The following PALS1 variants were observed in gnomAD, a reference collection of about 807,000 sequenced individuals.
PALS1 encodes protein associated with LIN7 1, MAGUK p55 family member.
Under a neutral mutation model 78.9 loss-of-function variants are expected in PALS1, and 31 were observed. The observed-to-expected ratio is 0.39, with a 90% CI of 0.30 to 0.53. The LOEUF (loss-of-function observed/expected upper bound fraction) is 0.53. Ranked by LOEUF, PALS1 falls within the 20% of genes least tolerant of loss-of-function variation. The pLI is 0.67. For missense variants in PALS1, 704 were observed against 826.5 expected, an observed-to-expected ratio of 0.85 and a Z score of 1.82; for synonymous variants, 276 against 270.9, an observed-to-expected ratio of 1.02 and a Z score of -0.18.
At chr14:67,258,333 G>A (rs1375638502) in intron 1 of PALS1, among the ~76,000 whole-genome samples, 1 of 152,070 alleles carries the variant, frequency 6.6e-6, no homozygotes, top group Non-Finnish European at 1.5e-5. Flanking sequence ...TCAGGAGTTC[G>A]AGACTAGTCT....
intron 2 of PALS1, among the ~76,000 whole-genome samples, chr14:67,278,452 T>C (rs1487079528): frequency 6.6e-6 from 1 of 152,172 alleles, no homozygotes; most frequent in Non-Finnish European, 1.5e-5. Flanking sequence ...AAGTTTCTTA[T>C]TCGTTGGGCA....
intron 9 of PALS1, among the ~76,000 whole-genome samples, chr14:67,315,817 C>T (rs1243038226): frequency 6.6e-6 from 1 of 152,132 alleles, no homozygotes; most frequent in Non-Finnish European, 1.5e-5. Flanking sequence ...CCCAGCTGCT[C>T]GGGAGGCTGA....
At chr14:67,313,828 CTG>C (rs2085129924) in intron 9 of PALS1, among the ~76,000 whole-genome samples, 1 of 151,922 alleles carries the variant, frequency 6.6e-6, no homozygotes, top group African/African-American at 2.4e-5. Flanking sequence ...GATATTGTCT[CTG>C]TTATAATTCT....
chr14:67,321,087 T>C lies in PALS1; in HGVS notation c.1568T>C (p.Val523Ala), dbSNP rs759155065. 60 of 1,614,116 alleles carry C rather than the reference T, an allele frequency of 3.7e-5. No individual in the cohort carries two copies. Among genetic ancestry groups the C allele is most frequent in the Non-Finnish European group, 5.0e-5 (59 of 1,179,978 alleles). Reference protein sequence around the residue: ...HTTRSRRDQEVAGRDYHFVSR... With the variant: ...HTTRSRRDQEAAGRDYHFVSR... ...ACCCGGAGTAGGCGAGACCAAGAAG[T>C]AGCCGGTAGAGATTACCACTTTGTT... is the stretch of plus-strand genomic sequence containing the variant. The change falls in exon 13 of 15, where the codon GTA (valine) becomes GCA (alanine). Residue 523 changes from valine to alanine, a missense_variant. Physicochemically the swap from Val to Ala is moderately conservative, Grantham distance 64 (BLOSUM62 0). Transcript: ENST00000261681.
intron 14 of PALS1, among the ~76,000 whole-genome samples, chr14:67,329,172 C>G (rs952127995): frequency 2.0e-5 from 3 of 152,158 alleles, no homozygotes; most frequent in African/African-American, 7.2e-5. Context: ...GTTTGTAGTT[C>G]TCCTTGAAGA....
chr14:67,248,192 A>C (rs1043087231), intron 1 of PALS1, among the ~76,000 whole-genome samples: 12 of 152,170 alleles, frequency 7.9e-5, no homozygotes, highest in Middle Eastern at 3.2e-3. Context: ...AACAAAAATC[A>C]TTTTGGATTT....
intron 3 of PALS1, among the ~76,000 whole-genome samples, chr14:67,287,113 G>A (rs1277882859): frequency 6.6e-6 from 1 of 152,054 alleles, no homozygotes; most frequent in East Asian, 1.9e-4. Context: ...AGCTACTGGG[G>A]AGGCTGAGGT....
intron 11 of PALS1, among the ~76,000 whole-genome samples, chr14:67,319,971 C>T (rs1485472181): frequency 6.6e-6 from 1 of 152,118 alleles, no homozygotes; most frequent in East Asian, 1.9e-4. Flanking sequence ...TGCAAATTAG[C>T]TGTTTAATGT....
At chr14:67,275,003 CA>C (rs1238359127) in intron 2 of PALS1, among the ~76,000 whole-genome samples, 4 of 152,202 alleles carry the variant, frequency 2.6e-5, no homozygotes, top group African/African-American at 9.7e-5. Context: ...AGTTGCTTAT[CA>C]GCTTGAGATT....
intron 14 of PALS1, among the ~76,000 whole-genome samples, chr14:67,332,137 TTGAGG>T: frequency 6.6e-6 from 1 of 152,186 alleles, no homozygotes. Context: ...CAGGGGTGAT[TTGAGG>T]TGAGTTTCAC....
chr14:67,255,164 T>A (rs2084127087), intron 1 of PALS1, among the ~76,000 whole-genome samples: 1 of 151,440 alleles, frequency 6.6e-6, no homozygotes, highest in South Asian at 2.1e-4. Context: ...AAAAAAAAAG[T>A]TCGAATCTCT....
In PALS1 at chr14:67,256,135, T is replaced by C. The variant is rs1231923292; in HGVS notation, c.-236-13566T>C. Reference sequence around the variant, plus strand: ...TATTTTGTAAGATATCCAAATAGTATAGAAGTGGAAAGTAGGGAATATTTG... The same window carrying C: ...TATTTTGTAAGATATCCAAATAGTACAGAAGTGGAAAGTAGGGAATATTTG... On this transcript the variant is annotated intron_variant, in intron 1 of 14. Transcript: ENST00000261681. Among the ~76,000 whole-genome samples, 3 of 152,234 alleles carry C rather than the reference T, an allele frequency of 2.0e-5. No individual in the cohort carries two copies. The East Asian group carries it at 5.8e-4, about 29-fold the overall frequency.
intron 1 of PALS1, among the ~76,000 whole-genome samples, chr14:67,252,858 A>G (rs989824904): frequency 1.2e-4 from 18 of 152,244 alleles, no homozygotes; most frequent in African/African-American, 4.3e-4. Flanking sequence ...ATAAACAGAT[A>G]ATTTGACATT....
rs145865518 is a variant in PALS1, at chr14:67,293,775, G to A, written c.576+1056G>A. Reference sequence around the variant, plus strand: ...AGGCAAGTGAACTGGTTTCAAATCCGGTTGGGAAGAATACAAAATAAATCA... The same window carrying A: ...AGGCAAGTGAACTGGTTTCAAATCCAGTTGGGAAGAATACAAAATAAATCA... On this transcript the variant is annotated intron_variant, in intron 4 of 14. Coordinates refer to ENST00000261681, the MANE Select transcript of PALS1 (RefSeq NM_022474.4). Among the ~76,000 whole-genome samples, 16 of 152,236 alleles carry A rather than the reference G, an allele frequency of 1.1e-4. No individual in the cohort carries two copies. The East Asian group carries it at 2.1e-3, about 20-fold the overall frequency.
At position 67,280,942 on chromosome 14, in the gene PALS1, G is replaced by A; in HGVS notation, c.367+1405G>A. Among the ~76,000 whole-genome samples the A allele has an allele frequency of 1.3e-5, 2 of 148,854 alleles. 1 individual carries two copies. Among genetic ancestry groups the A allele is most frequent in the Admixed American group, 1.3e-4 (2 of 14,866 alleles). Reference sequence around the variant, plus strand: ...GGTGGAGTCTTGCTCTGTTGCCCAGGCTGGAGTGCAGTGGTGCAATCTTCG... The same window carrying A: ...GGTGGAGTCTTGCTCTGTTGCCCAGACTGGAGTGCAGTGGTGCAATCTTCG... On this transcript the variant is annotated intron_variant, in intron 3 of 14. Coordinates refer to ENST00000261681, the MANE Select transcript of PALS1 (RefSeq NM_022474.4).
intron 9 of PALS1, among the ~76,000 whole-genome samples, chr14:67,316,240 C>A (rs1184182553): frequency 6.6e-6 from 1 of 152,118 alleles, no homozygotes. Context: ...CCTTGAAAGC[C>A]TCCTATATTA....
chr14:67,325,246 C>T (rs1180804797), intron 14 of PALS1, among the ~76,000 whole-genome samples: 7 of 151,630 alleles, frequency 4.6e-5, no homozygotes. Context: ...ATTAACCCTT[C>T]CTCTTCCTCT....
intron 1 of PALS1, among the ~76,000 whole-genome samples, chr14:67,252,531 C>A (rs976047134): frequency 5.9e-5 from 9 of 152,118 alleles, no homozygotes; most frequent in African/African-American, 1.7e-4. Context: ...GTACAGGAGG[C>A]CCAAAACTTG....
chr14:67,304,756 C>G (rs2084976444), intron 8 of PALS1, among the ~76,000 whole-genome samples: 1 of 152,016 alleles, frequency 6.6e-6, no homozygotes. Flanking sequence ...TAAAACCATC[C>G]AATTGTGTAC....
Sources: gnomAD v4.1 joint callset for allele counts (sites outside exome capture counted in the v4.1 genomes callset) on GRCh38, gnomAD v4.1.1 for gene constraint, MANE v1.5 for transcripts, NCBI Gene and HGNC (gene_info 2026-07-23, HGNC 2026-07-21) for gene names.